Variants in ALDH4A1 observed in about 807,000 individuals in gnomAD.
ALDH4A1 encodes the protein delta-1-pyrroline-5-carboxylate dehydrogenase, mitochondrial.
Under a neutral mutation model 70.5 loss-of-function variants are expected in ALDH4A1, and 46 were observed. The observed-to-expected ratio is 0.65, with a 90% CI of 0.51 to 0.83. The LOEUF (loss-of-function observed/expected upper bound fraction) is 0.83. Among genes scored for constraint, ALDH4A1 ranks in the 40% least tolerant of loss-of-function variants. The probability of loss-of-function intolerance (pLI) is 0.00; values close to 1 mark genes in which losing one functional copy is unlikely to be tolerated. For missense variants in ALDH4A1, 749 were observed against 766.5 expected (o/e 0.98, Z 0.27); for synonymous variants, 323 against 324.3 (o/e 1.00, Z 0.04).
At chr1:18,874,613 C>G (rs753521283) in intron 13 of ALDH4A1, 32 bp from the exon 14 acceptor site, 17 of 1,604,182 alleles carry the variant, frequency 1.1e-5, no homozygotes, top group Non-Finnish European at 1.5e-5. Flanking sequence ...ACAGAGCAAC[C>G]AGCTCATCTC....
chr1:18,873,041 G>C, intron 14 of ALDH4A1, 84 bp from the exon 15 acceptor site: 2 of 1,221,542 alleles, frequency 1.6e-6, no homozygotes, highest in Non-Finnish European at 1.2e-6. Flanking sequence ...TGGAATCAAC[G>C]GACCAGCAGT....
chr1:18,877,482 C>T lies in ALDH4A1; in HGVS notation c.1071G>A (p.Pro357=), dbSNP rs1340670470. Residue 357 remains proline (P), a synonymous_variant, in exon 10 of 15, where the codon CCG becomes CCA. Transcript: ENST00000375341. ...KCSACSRLYV[P]HSLWPQIKGR... is the part of the protein sequence containing the mutation. ...CTTTGATCTGCGGCCACAGCGAGTG[C>T]GGCACGTAGAGACGCGAGCACGCGG... The T allele has an allele frequency of 6.3e-7, 1 of 1,599,910 alleles. No individual in the cohort carries two copies. The highest frequency in any genetic ancestry group is 8.5e-7 in the Non-Finnish European group (1 of 1,173,452).
In ALDH4A1 at chr1:18,877,198, C is replaced by A; in HGVS notation, c.1185+10G>T. Reference sequence around the variant, plus strand: ...CCCCCACCCAGGAACGCCCACTTCCCACCCCGTACCTTGGCATCAATCACT... The same window carrying A: ...CCCCCACCCAGGAACGCCCACTTCCAACCCCGTACCTTGGCATCAATCACT... On this transcript the variant is annotated intron_variant, in intron 11 of 14. Coordinates refer to ENST00000375341, the MANE Select transcript of ALDH4A1 (RefSeq NM_003748.4). 1 of 1,607,440 alleles carries A rather than the reference C, an allele frequency of 6.2e-7. No individual in the cohort carries two copies. The highest frequency in any genetic ancestry group is 2.2e-5 in the East Asian group (1 of 44,518).
intron 9 of ALDH4A1, among the ~76,000 whole-genome samples, chr1:18,878,587 T>C (rs894374584): frequency 6.6e-6 from 1 of 152,136 alleles, no homozygotes; most frequent in Non-Finnish European, 1.5e-5. Context: ...ATTCCCAAAA[T>C]GTGCTCCACA....
chr1:18,894,343 C>T (rs1333182253), intron 1 of ALDH4A1, among the ~76,000 whole-genome samples: 3 of 152,172 alleles, frequency 2.0e-5, no homozygotes, highest in Non-Finnish European at 4.4e-5. Context: ...GAGTTCGAGA[C>T]CAGCCTGGCC....
In ALDH4A1 at chr1:18,877,238, C is replaced by A; in HGVS notation, c.1155G>T (p.Gly385=). The A allele has an allele frequency of 2.5e-6, 4 of 1,607,948 alleles. No homozygotes were observed. The highest frequency in any genetic ancestry group is 2.5e-6 in the Non-Finnish European group (3 of 1,177,008). The change falls in exon 11 of 15, where the codon GGG becomes GGT. Residue 385 remains glycine, a synonymous_variant. Coordinates refer to ENST00000375341, the MANE Select transcript of ALDH4A1 (RefSeq NM_003748.4). The part of the protein sequence containing the change: ...IKVGDPAEDF[G]TFFSAVIDAK... ...CATCAATCACTGCAGAGAAGAAGGT[C>A]CCAAAATCCTCTGCAGGCTGGAGGC...
chr1:18,893,106 A>G lies in ALDH4A1; in HGVS notation c.63-3001T>C, dbSNP rs375107718. Among the ~76,000 whole-genome samples the G allele has an allele frequency of 8.5e-5, 13 of 152,300 alleles. No individual in the cohort carries two copies. In the South Asian group the frequency reaches 2.5e-3, roughly 29 times the overall value. Reference sequence around the variant, plus strand: ...TTTCAGCCGAGAAGCGGGACTCCAAATAACTGAGTCTGTCCCAGCCCCTCT... The same window carrying G: ...TTTCAGCCGAGAAGCGGGACTCCAAGTAACTGAGTCTGTCCCAGCCCCTCT... On this transcript the variant is annotated intron_variant, in intron 1 of 14. Coordinates refer to ENST00000375341, the MANE Select transcript of ALDH4A1 (RefSeq NM_003748.4).
intron 9 of ALDH4A1, among the ~76,000 whole-genome samples, chr1:18,878,006 G>A (rs544852559): frequency 1.7e-3 from 259 of 152,058 alleles, no homozygotes; most frequent in Admixed American, 3.3e-3. Flanking sequence ...CCTCGTCCAC[G>A]AGGGACATTG....
At chr1:18,879,922 T>G (rs560861708) in intron 8 of ALDH4A1, among the ~76,000 whole-genome samples, 195 of 152,292 alleles carry the variant, frequency 1.3e-3, no homozygotes, top group African/African-American at 4.5e-3. Context: ...AGGCTCCAAG[T>G]GTGACCAACC....
Position 18,875,486 on chromosome 1 carries a change from T to G in ALDH4A1, c.1356A>C (p.Val452=). ...PIMKEEIFGP[V]LSVYVYPDDK... ...CATCCGGGTAGACGTACACAGACAGTACAGGCCCGAAGATCTCCTAGGAGA... is the reference window on the plus strand; with the variant it reads ...CATCCGGGTAGACGTACACAGACAGGACAGGCCCGAAGATCTCCTAGGAGA... The change falls in exon 13 of 15, where the codon GTA becomes GTC. Residue 452 remains valine (V), a synonymous_variant. Transcript: ENST00000375341. The G allele has an allele frequency of 6.2e-7, 1 of 1,614,082 alleles. No individual in the cohort carries two copies. Among genetic ancestry groups the G allele is most frequent in the Non-Finnish European group, 8.5e-7 (1 of 1,179,988 alleles).
At chr1:18,883,010 G>C in intron 7 of ALDH4A1, 114 bp downstream of exon 7, 1 of 1,411,500 alleles carries the variant, frequency 7.1e-7, no homozygotes, top group Non-Finnish European at 1.0e-6. Context: ...TCCACCTTCT[G>C]TGCCTCTCCC....
At chr1:18,889,646 A>G (rs1291440817) in intron 2 of ALDH4A1, among the ~76,000 whole-genome samples, 192 bp from the exon 3 acceptor site, 1 of 152,160 alleles carries the variant, frequency 6.6e-6, no homozygotes, top group Admixed American at 6.5e-5. Flanking sequence ...AGCCATTGTC[A>G]CCCTGCAGGA....
chr1:18,902,506 G>C lies in ALDH4A1; in HGVS notation c.18C>G (p.Pro6=), dbSNP rs1935836830. ...GGGACAGCAGGGCGCGGCGGAGCGC[G>C]GGCGCCGGCAGCAGCATCTCGGGTT... is the stretch of plus-strand genomic sequence containing the variant. MLLPA[P]ALRRALLSRP... The change falls in exon 1 of 15, where the codon CCC becomes CCG. Residue 6 remains proline (P), a synonymous_variant. Coordinates refer to ENST00000375341, the MANE Select transcript of ALDH4A1 (RefSeq NM_003748.4). The C allele has an allele frequency of 6.8e-7, 1 of 1,480,158 alleles. No homozygotes were observed. 91.7% of individuals were successfully genotyped at this position (1,480,158 alleles called of 1,614,324 possible).
intron 1 of ALDH4A1, among the ~76,000 whole-genome samples, chr1:18,892,439 G>A (rs1291964179): frequency 6.6e-6 from 1 of 152,084 alleles, no homozygotes; most frequent in Non-Finnish European, 1.5e-5. Context: ...CAAACAAGGG[G>A]GAGAATAGGG....
intron 1 of ALDH4A1, chr1:18,897,255 A>G (rs1388404547): frequency 1.7e-5 from 6 of 357,426 alleles, no homozygotes; most frequent in Non-Finnish European, 3.5e-5. Flanking sequence ...TATACAAAAC[A>G]CTTCCGGCCA....
In ALDH4A1 at chr1:18,886,461, C is replaced by T; in HGVS notation, c.297+3G>A. Reference sequence around the variant, plus strand: ...GGGTCACCAGGCACACAGGCTCACTCACCTTGTCTGCATAACAGAACTTGG... The same window carrying T: ...GGGTCACCAGGCACACAGGCTCACTTACCTTGTCTGCATAACAGAACTTGG... On this transcript the variant is annotated splice_donor_region_variant and intron_variant, in intron 4 of 14. Transcript: ENST00000375341. 1 of 1,614,160 alleles carries T rather than the reference C, an allele frequency of 6.2e-7. No homozygotes were observed. Among genetic ancestry groups the T allele is most frequent in the Non-Finnish European group, 8.5e-7 (1 of 1,180,020 alleles).
chr1:18,891,889 G>T (rs1297501634), intron 1 of ALDH4A1, among the ~76,000 whole-genome samples: 3 of 152,062 alleles, frequency 2.0e-5, no homozygotes, highest in African/African-American at 7.2e-5. Context: ...TTAGCTGGGC[G>T]TAGTGGCCCA....
rs534498844 is a variant in ALDH4A1 at position 18,898,819 on chromosome 1, G to A, written c.62+3643C>T. 2.5e-3 allele frequency among the ~76,000 whole-genome samples: 379 copies of A among 152,348 alleles called. 5 individuals carry two copies. Among genetic ancestry groups the A allele is most frequent in the Non-Finnish European group, 4.2e-3 (283 of 68,028 alleles). On this transcript the variant is annotated intron_variant, in intron 1 of 14. Transcript: ENST00000375341. This position sits in a 1 kb window ranked among gnomAD's most constrained non-coding sequence, Gnocchi z 4.3. ...CCGGGCCAGATGCAGGGCACAGGAG[G>A]CAGGCTGCTCCCAGGGGTGCCACTG...
chr1:18,897,079 C>T (rs1007973249), intron 1 of ALDH4A1: 1 of 534,368 alleles, frequency 1.9e-6, no homozygotes, highest in Non-Finnish European at 3.8e-6. Context: ...AGTTGAGCAT[C>T]CCTGATCCAA....
Sources: gnomAD v4.1 joint callset for allele counts (sites outside exome capture counted in the v4.1 genomes callset) on GRCh38, gnomAD v4.1.1 for gene constraint, Gnocchi (gnomAD v3.1) non-coding constraint, MANE v1.5 for transcripts, NCBI Gene and HGNC (gene_info 2026-07-23, HGNC 2026-07-21) for gene names.